FCHSD2: variants seen among roughly 807,000 people sequenced by gnomAD.
The protein encoded by FCHSD2 is FCH and double SH3 domains 2, also known as F-BAR and double SH3 domains protein 2.
FCHSD2 carries 38 observed loss-of-function variants against 108.1 expected under a neutral mutation model. That is an observed-to-expected ratio of 0.35 (90% CI 0.27 to 0.46). The LOEUF (loss-of-function observed/expected upper bound fraction) is 0.46. FCHSD2 is among the 20% of genes least tolerant of loss of function. The pLI is 1.00. For missense variants in FCHSD2, 751 were observed against 897.8 expected, an observed-to-expected ratio of 0.84 and a Z score of 2.09; for synonymous variants, 279 against 314.7, an observed-to-expected ratio of 0.89 and a Z score of 1.20.
chr11:73,042,208 C>T (rs11824657), intron 3 of FCHSD2, among the ~76,000 whole-genome samples: 5,167 of 152,146 alleles, frequency 0.034, 292 homozygotes, highest in African/African-American at 0.12. Flanking sequence ...TACAGGCATG[C>T]GCCACTGCAC....
At chr11:73,122,941 T>C (rs1051895737) in intron 2 of FCHSD2, among the ~76,000 whole-genome samples, 14 of 152,342 alleles carry the variant, frequency 9.2e-5, no homozygotes, top group Non-Finnish European at 1.0e-4. Flanking sequence ...CGCAGTTACA[T>C]TTAGAGTACA....
intron 2 of FCHSD2, among the ~76,000 whole-genome samples, chr11:73,138,384 A>T (rs896516287): frequency 6.5e-4 from 99 of 152,274 alleles, no homozygotes; most frequent in African/African-American, 2.4e-3. Flanking sequence ...GACAAAACGC[A>T]ATCAAGAAGT....
intron 5 of FCHSD2, among the ~76,000 whole-genome samples, chr11:72,990,688 C>A (rs1857394341): frequency 6.6e-6 from 1 of 152,214 alleles, no homozygotes; most frequent in Non-Finnish European, 1.5e-5. Flanking sequence ...ATACCAGAAT[C>A]TCTGGGACAC....
At chr11:72,855,160 C>G (rs894225186) in intron 13 of FCHSD2, among the ~76,000 whole-genome samples, 2 of 152,208 alleles carry the variant, frequency 1.3e-5, no homozygotes, top group Non-Finnish European at 2.9e-5. Flanking sequence ...ATAACCCCAG[C>G]TACTCAGGAG....
intron 8 of FCHSD2, among the ~76,000 whole-genome samples, chr11:72,947,461 T>C (rs932550551): frequency 2.6e-5 from 4 of 152,222 alleles, no homozygotes; most frequent in African/African-American, 9.6e-5. Flanking sequence ...AAAGCCAAAG[T>C]CAGTGTTTAC....
At chr11:72,932,912 G>C (rs1325105737) in intron 8 of FCHSD2, among the ~76,000 whole-genome samples, 1 of 152,028 alleles carries the variant, frequency 6.6e-6, no homozygotes, top group Admixed American at 6.5e-5. Flanking sequence ...ACCTATACTT[G>C]AGCCCCATGA....
At chr11:73,119,120 G>C (rs769762446) in intron 2 of FCHSD2, among the ~76,000 whole-genome samples, 9 of 152,136 alleles carry the variant, frequency 5.9e-5, no homozygotes, top group Non-Finnish European at 1.2e-4. Flanking sequence ...TGGGCAACAT[G>C]ATGAGATCCT....
At chr11:72,889,105 C>T (rs1005726097) in intron 11 of FCHSD2, among the ~76,000 whole-genome samples, 1 of 152,070 alleles carries the variant, frequency 6.6e-6, no homozygotes, top group African/African-American at 2.4e-5. Flanking sequence ...CAGGTGCCCG[C>T]CACCACACTC....
intron 2 of FCHSD2, among the ~76,000 whole-genome samples, chr11:73,095,810 C>A (rs1860059973): frequency 6.6e-6 from 1 of 151,920 alleles, no homozygotes; most frequent in African/African-American, 2.4e-5. Context: ...AAACAAGCCA[C>A]GCTGGCAGAA....
At position 72,865,501 on chromosome 11, in the gene FCHSD2, T is replaced by C. The variant is rs985868348; in HGVS notation, c.1308+2364A>G. Among the ~76,000 whole-genome samples, 3 of 152,278 alleles carry C rather than the reference T, an allele frequency of 2.0e-5. No homozygotes were observed. In the South Asian group the frequency reaches 6.2e-4, roughly 32 times the overall value. On this transcript the variant is annotated intron_variant, in intron 13 of 19. Coordinates refer to ENST00000409418, the MANE Select transcript of FCHSD2 (RefSeq NM_014824.3). The stretch of plus-strand genomic sequence containing the variant: ...GATATGTATGTCTCTAGAGGAGTGA[T>C]TTCTCTGGACAGGTCTCAAAAATAC...
At chr11:72,972,322 T>C (rs1857022271) in intron 8 of FCHSD2, among the ~76,000 whole-genome samples, 1 of 152,212 alleles carries the variant, frequency 6.6e-6, no homozygotes, top group African/African-American at 2.4e-5. Flanking sequence ...ATTAAGATCA[T>C]CTAGGTAAAG....
chr11:73,079,842 G>A (rs534283861), intron 3 of FCHSD2, among the ~76,000 whole-genome samples: 4 of 152,052 alleles, frequency 2.6e-5, no homozygotes, highest in African/African-American at 7.2e-5. Flanking sequence ...AAATGGGCTC[G>A]ATTTTCCCAA....
At chr11:72,935,416 A>G (rs943884161) in intron 8 of FCHSD2, among the ~76,000 whole-genome samples, 1 of 152,206 alleles carries the variant, frequency 6.6e-6, no homozygotes, top group Non-Finnish European at 1.5e-5. Context: ...CTTTTCTGAG[A>G]GCAACGGGCA....
chr11:72,937,927 G>A (rs2135336627), intron 8 of FCHSD2, among the ~76,000 whole-genome samples: 1 of 152,332 alleles, frequency 6.6e-6, no homozygotes, highest in Non-Finnish European at 1.5e-5. Flanking sequence ...AACAAAGACT[G>A]ATGTAGCTGT....
chr11:72,997,496 C>T (rs967429341), intron 5 of FCHSD2, among the ~76,000 whole-genome samples: 1 of 151,940 alleles, frequency 6.6e-6, no homozygotes, highest in African/African-American at 2.4e-5. Flanking sequence ...ACCCAAATAA[C>T]CAAAAATCAA....
chr11:73,134,080 A>C (rs1474622802), intron 2 of FCHSD2, among the ~76,000 whole-genome samples: 3 of 151,808 alleles, frequency 2.0e-5, no homozygotes, highest in Non-Finnish European at 4.4e-5. Flanking sequence ...TGATATGTAC[A>C]TTGTATATAA....
At chr11:73,140,552 C>A (rs1861222274) in intron 1 of FCHSD2, among the ~76,000 whole-genome samples, 1 of 152,174 alleles carries the variant, frequency 6.6e-6, no homozygotes, top group African/African-American at 2.4e-5. Flanking sequence ...TACCCAATGA[C>A]CAATATTTAC....
intron 2 of FCHSD2, among the ~76,000 whole-genome samples, chr11:73,085,325 A>C (rs981157248): frequency 6.6e-6 from 1 of 152,078 alleles, no homozygotes; most frequent in Non-Finnish European, 1.5e-5. Context: ...CAGGAATCTG[A>C]CTCCCAGGCT....
chr11:73,044,778 A>C (rs1352561130), intron 3 of FCHSD2, among the ~76,000 whole-genome samples: 2 of 152,148 alleles, frequency 1.3e-5, no homozygotes, highest in African/African-American at 2.4e-5. Flanking sequence ...ATCATCTAAC[A>C]CTAAGGATGG....
Sources: gnomAD v4.1 joint callset for allele counts (sites outside exome capture counted in the v4.1 genomes callset) on GRCh38, gnomAD v4.1.1 for gene constraint, MANE v1.5 for transcripts, NCBI Gene and HGNC (gene_info 2026-07-23, HGNC 2026-07-21) for gene names.